The following CDH11 variants were observed in gnomAD, a reference collection of about 807,000 sequenced individuals.
CDH11 encodes the protein cadherin-11.
Under a neutral mutation model 67.8 loss-of-function variants are expected in CDH11, and 11 were observed. The observed-to-expected ratio is 0.16, with a 90% CI of 0.10 to 0.27. The LOEUF (loss-of-function observed/expected upper bound fraction) is 0.27, where lower values mean the gene tolerates loss of function less well. Ranked by LOEUF, CDH11 falls within the 10% of genes least tolerant of loss-of-function variation. The probability of loss-of-function intolerance (pLI) is 1.00; values close to 1 mark genes in which losing one functional copy is unlikely to be tolerated. For missense variants in CDH11, 847 were observed against 1,031.2 expected (o/e 0.82, Z 2.45); for synonymous variants, 419 against 400.0 (o/e 1.05, Z -0.57).
chr16:65,122,344 C>T (rs1241239494), upstream of CDH11: 2 of 285,358 alleles, frequency 7.0e-6, no homozygotes, highest in South Asian at 3.2e-5. Context: ...GCTCCGACTC[C>T]CTCAGGGCTC....
chr16:65,110,770 T>C (rs2075143441), intron 1 of CDH11, among the ~76,000 whole-genome samples: 1 of 152,050 alleles, frequency 6.6e-6, no homozygotes, highest in South Asian at 2.1e-4. Flanking sequence ...TCTGGCCCTT[T>C]AAGCCCCTGG....
intron 2 of CDH11, among the ~76,000 whole-genome samples, chr16:65,029,847 G>A (rs1306025274): frequency 6.6e-6 from 1 of 152,092 alleles, no homozygotes; most frequent in Admixed American, 6.5e-5. Context: ...GCCTCAATGG[G>A]AACTCACCTG....
At chr16:65,021,125 AGC>A (rs1396203106) in intron 2 of CDH11, among the ~76,000 whole-genome samples, 4 of 152,154 alleles carry the variant, frequency 2.6e-5, no homozygotes, top group African/African-American at 9.7e-5. Context: ...AAGTGCAAAG[AGC>A]AGAGTGCTTC....
At chr16:65,119,167 C>G (rs1053618141) in intron 1 of CDH11, 8 of 152,112 alleles carry the variant, frequency 5.3e-5, no homozygotes, top group Non-Finnish European at 1.0e-4. Context: ...TAATTCTATT[C>G]AAAGGAGAAG....
chr16:65,115,986 A>T lies in CDH11; in HGVS notation c.-298+5894T>A, dbSNP rs8064042. Reference sequence around the variant, plus strand: ...GGAAAAAATCTATGATGAGCAAAAGACAAAATTTTCAATCAAGACAGAATC... The same window carrying T: ...GGAAAAAATCTATGATGAGCAAAAGTCAAAATTTTCAATCAAGACAGAATC... On this transcript the variant is annotated intron_variant, in intron 1 of 12. Coordinates refer to ENST00000268603, the MANE Select transcript of CDH11 (RefSeq NM_001797.4). 4.0e-3 allele frequency among the ~76,000 whole-genome samples: 613 copies of T among 152,194 alleles called. 6 individuals carry two copies. The highest frequency in any genetic ancestry group is 0.014 in the African/African-American group (584 of 41,508).
intron 2 of CDH11, among the ~76,000 whole-genome samples, chr16:65,042,178 G>A (rs2073879034): frequency 1.3e-5 from 2 of 152,192 alleles, no homozygotes; most frequent in Admixed American, 1.3e-4. Flanking sequence ...CAGGACGTAG[G>A]GGTGGGCATG....
intron 3 of CDH11, among the ~76,000 whole-genome samples, chr16:64,999,380 T>C (rs2072858390): frequency 6.6e-6 from 1 of 152,232 alleles, no homozygotes; most frequent in Admixed American, 6.5e-5. Context: ...CCCTAGTTTA[T>C]TGTTATACAA....
intron 3 of CDH11, among the ~76,000 whole-genome samples, chr16:65,001,159 T>TTCATACCG (rs2072911363): frequency 7.9e-5 from 12 of 152,336 alleles, no homozygotes; most frequent in Admixed American, 7.2e-4. Context: ...GGGTTACCTG[T>TTCATACCG]AGGTATGAAT....
In CDH11 at chr16:64,948,602, G is replaced by C. The variant is rs571457064; in HGVS notation, c.1895-503C>G. On this transcript the variant is annotated intron_variant, in intron 12 of 12. Transcript: ENST00000268603. ...TGGTCCTATACTAACTTAATGGGAAGTCTTACCGTAAGTGTGGTTGGACTC... is the reference window on the plus strand; with the variant it reads ...TGGTCCTATACTAACTTAATGGGAACTCTTACCGTAAGTGTGGTTGGACTC... The C allele has an allele frequency of 9.0e-5, 144 of 1,607,204 alleles. 1 individual carries two copies. In the African/African-American group the frequency reaches 1.8e-3, roughly 20 times the overall value.
chr16:64,989,416 T>C (rs948193409), intron 6 of CDH11, among the ~76,000 whole-genome samples: 1 of 152,032 alleles, frequency 6.6e-6, no homozygotes, highest in Non-Finnish European at 1.5e-5. Context: ...GAGAGATTGG[T>C]TTTGCGTAGT....
chr16:64,980,105 T>C (rs1203688822), intron 8 of CDH11, among the ~76,000 whole-genome samples: 3 of 152,154 alleles, frequency 2.0e-5, no homozygotes, highest in Non-Finnish European at 4.4e-5. Context: ...ATAGGATTTC[T>C]TTTGTGGGGG....
chr16:65,020,605 C>T (rs1223804052), intron 2 of CDH11, among the ~76,000 whole-genome samples: 1 of 152,170 alleles, frequency 6.6e-6, no homozygotes, highest in Non-Finnish European at 1.5e-5. Context: ...GTTGGGATTA[C>T]AGGTGTGAGC....
At chr16:65,065,447 A>C (rs919178793) in intron 1 of CDH11, among the ~76,000 whole-genome samples, 1 of 152,244 alleles carries the variant, frequency 6.6e-6, no homozygotes, top group African/African-American at 2.4e-5. Context: ...AAGTCATATT[A>C]GTTGCAAGGG....
chr16:64,974,955 C>G (rs1165395773), intron 8 of CDH11, among the ~76,000 whole-genome samples: 1 of 152,086 alleles, frequency 6.6e-6, no homozygotes. Context: ...GTTCTTTGAG[C>G]CTTAGCATAT....
rs1239837042 is a variant in CDH11, at chr16:64,982,235, G to A, written c.1066C>T (p.Pro356Ser). Reference protein sequence around the residue: ...KVEAANVHIDPKFISNGPFKD... With the variant: ...KVEAANVHIDSKFISNGPFKD... Reference sequence around the variant, plus strand: ...AAAGGGCCATTGCTGATAAACTTCGGGTCGATGTGCACGTTGGCTGCCTCT... The same window carrying A: ...AAAGGGCCATTGCTGATAAACTTCGAGTCGATGTGCACGTTGGCTGCCTCT... Residue 356 changes from proline (P) to serine (S), a missense_variant, in exon 8 of 13, where the codon CCG becomes TCG. By Grantham distance (74) the Pro-to-Ser change is moderately conservative (BLOSUM62 -1). Around this residue, in one of 2 missense-constraint regions of CDH11, gnomAD observed 612 missense variants for 678.7 expected, o/e 0.90. Transcript: ENST00000268603. The A allele has an allele frequency of 2.5e-6, 4 of 1,613,610 alleles. No homozygotes were observed. The Admixed American group carries it at 5.0e-5, about 20-fold the overall frequency.
At chr16:64,984,451 T>C (rs2072434138) in intron 7 of CDH11, among the ~76,000 whole-genome samples, 1 of 152,190 alleles carries the variant, frequency 6.6e-6, no homozygotes, top group African/African-American at 2.4e-5. Context: ...TGTGAGGTAG[T>C]TTCCCATGTG....
At chr16:65,046,778 CA>C (rs1294089680) in intron 2 of CDH11, among the ~76,000 whole-genome samples, 1 of 152,028 alleles carries the variant, frequency 6.6e-6, no homozygotes, top group African/African-American at 2.4e-5. Context: ...TGAATACAAG[CA>C]AAACAAAGGG....
At chr16:64,969,231 G>C (rs921330598) in intron 11 of CDH11, among the ~76,000 whole-genome samples, 2 of 152,118 alleles carry the variant, frequency 1.3e-5, no homozygotes, top group Non-Finnish European at 2.9e-5. Flanking sequence ...TGTTTTCAGA[G>C]GTTAACAGCA....
At chr16:64,991,489 A>C in intron 6 of CDH11, 1 of 367,126 alleles carries the variant, frequency 2.7e-6, no homozygotes, top group African/African-American at 2.0e-5. Context: ...ACTAGATTGC[A>C]TCACTACTAC....
Sources: gnomAD v4.1 joint callset for allele counts (sites outside exome capture counted in the v4.1 genomes callset) on GRCh38, gnomAD v4.1.1 for gene constraint, gnomAD v4.1.1 regional missense constraint, MANE v1.5 for transcripts, NCBI Gene and HGNC (gene_info 2026-07-23, HGNC 2026-07-21) for gene names.